CLYBL: variants seen among roughly 807,000 people sequenced by gnomAD.
The protein encoded by CLYBL is citramalyl-CoA lyase, mitochondrial.
A neutral mutation model predicts 38.9 loss-of-function variants in CLYBL; 31 were observed. That is an observed-to-expected ratio of 0.80 (90% CI 0.60 to 1.08). The LOEUF (loss-of-function observed/expected upper bound fraction) is 1.08. Ranked by LOEUF, CLYBL falls within the 50% of genes least tolerant of loss-of-function variation. The probability of loss-of-function intolerance (pLI) is 0.00; values close to 1 mark genes in which losing one functional copy is unlikely to be tolerated. For missense variants in CLYBL, 434 were observed against 411.6 expected (o/e 1.05, Z -0.47); for synonymous variants, 171 against 158.6 (o/e 1.08, Z -0.59).
chr13:99,806,660 G>A (rs1056388860), intron 2 of CLYBL, among the ~76,000 whole-genome samples: 1 of 152,192 alleles, frequency 6.6e-6, no homozygotes, highest in African/African-American at 2.4e-5. Flanking sequence ...GAGGTAATGT[G>A]TCTGAACCAC....
At chr13:99,625,058 C>A (rs906804237) in intron 1 of CLYBL, among the ~76,000 whole-genome samples, 1 of 152,186 alleles carries the variant, frequency 6.6e-6, no homozygotes, top group Non-Finnish European at 1.5e-5. Flanking sequence ...TTATGGCCAG[C>A]GTGTGGAAGA....
At chr13:99,748,471 ACT>A (rs2048896325) in intron 1 of CLYBL, among the ~76,000 whole-genome samples, 1 of 106,690 alleles carries the variant, frequency 9.4e-6, no homozygotes, top group Admixed American at 1.4e-4. Context: ...ATGGAGTCTC[ACT>A]CTGTCGCCCA....
chr13:99,765,482 T>TC (rs1397516183), intron 1 of CLYBL, among the ~76,000 whole-genome samples: 2 of 152,154 alleles, frequency 1.3e-5, no homozygotes, highest in Non-Finnish European at 2.9e-5. Context: ...TTTTTGTTTC[T>TC]CTTTTTTTTT....
intron 2 of CLYBL, among the ~76,000 whole-genome samples, chr13:99,804,432 T>C (rs1594193171): frequency 6.6e-6 from 1 of 152,344 alleles, no homozygotes; most frequent in East Asian, 1.9e-4. Flanking sequence ...TGTTGGCCAC[T>C]ATAAGCACCA....
chr13:99,717,561 C>T (rs1469924660), intron 1 of CLYBL, among the ~76,000 whole-genome samples: 4 of 151,944 alleles, frequency 2.6e-5, no homozygotes, highest in Admixed American at 1.3e-4. Context: ...CCAGGCTCCC[C>T]GGATCCTCCT....
intron 1 of CLYBL, among the ~76,000 whole-genome samples, chr13:99,670,232 C>T (rs1384160816): frequency 6.6e-6 from 1 of 152,010 alleles, no homozygotes; most frequent in Admixed American, 6.6e-5. Context: ...TGGTGCATGC[C>T]TATAGTCCCA....
At chr13:99,814,015 C>T (rs1456612631) in intron 2 of CLYBL, among the ~76,000 whole-genome samples, 4 of 152,326 alleles carry the variant, frequency 2.6e-5, no homozygotes, top group Non-Finnish European at 5.9e-5. Flanking sequence ...AATTTGGTTT[C>T]TTTCACTAAT....
chr13:99,866,214 T>C, intron 5 of CLYBL, 26 bp from the exon 6 acceptor site: 1 of 1,610,254 alleles, frequency 6.2e-7, no homozygotes, highest in Non-Finnish European at 8.5e-7. Context: ...TAAAGCCTCC[T>C]TTTTCTGTTA....
chr13:99,724,140 G>C (rs1341679622), intron 1 of CLYBL, among the ~76,000 whole-genome samples: 2 of 152,132 alleles, frequency 1.3e-5, no homozygotes, highest in African/African-American at 4.8e-5. Context: ...CTGTTGTGGG[G>C]ATGTTCCGCT....
At chr13:99,631,634 A>G (rs2046947074) in intron 1 of CLYBL, among the ~76,000 whole-genome samples, 1 of 151,430 alleles carries the variant, frequency 6.6e-6, no homozygotes, top group South Asian at 2.1e-4. Context: ...AGTCTCGCTC[A>G]GTCGCCCAGG....
At chr13:99,659,163 A>G (rs1251422476) in intron 1 of CLYBL, among the ~76,000 whole-genome samples, 4 of 152,038 alleles carry the variant, frequency 2.6e-5, no homozygotes, top group Non-Finnish European at 5.9e-5. Context: ...TCTGACAGAG[A>G]GGGGATTAGT....
chr13:99,854,159 A>G (rs1253036952), intron 2 of CLYBL, among the ~76,000 whole-genome samples: 1 of 152,142 alleles, frequency 6.6e-6, no homozygotes, highest in Non-Finnish European at 1.5e-5. Flanking sequence ...CTTGGGTCGC[A>G]CATAGCTTTC....
At chr13:99,678,358 A>G (rs1176311515) in intron 1 of CLYBL, among the ~76,000 whole-genome samples, 1 of 152,230 alleles carries the variant, frequency 6.6e-6, no homozygotes, top group Non-Finnish European at 1.5e-5. Flanking sequence ...GAATTTGGGT[A>G]AATTCACTAG....
At chr13:99,613,177 A>G (rs1289611576) in intron 1 of CLYBL, among the ~76,000 whole-genome samples, 1 of 152,122 alleles carries the variant, frequency 6.6e-6, no homozygotes, top group Non-Finnish European at 1.5e-5. Flanking sequence ...TGTTTTCTAA[A>G]GTATTCATAG....
At chr13:99,847,118 C>T (rs961240251) in intron 2 of CLYBL, among the ~76,000 whole-genome samples, 6 of 152,238 alleles carry the variant, frequency 3.9e-5, no homozygotes, top group Admixed American at 2.0e-4. Flanking sequence ...CTAAACTGCT[C>T]AGGCCAGGGA....
chr13:99,782,878 C>A (rs2049688769), intron 2 of CLYBL, among the ~76,000 whole-genome samples: 1 of 151,900 alleles, frequency 6.6e-6, no homozygotes, highest in South Asian at 2.1e-4. Flanking sequence ...TTGGAAACTT[C>A]ATTCTATCCT....
chr13:99,698,937 T>C (rs571053083), intron 1 of CLYBL, among the ~76,000 whole-genome samples: 45 of 152,218 alleles, frequency 3.0e-4, no homozygotes, highest in Non-Finnish European at 5.1e-4. Flanking sequence ...CGCCAGAAGG[T>C]GTTGACATAT....
downstream of CLYBL, chr13:99,896,237 G>C (rs1555326817): frequency 6.6e-6 from 1 of 151,928 alleles, no homozygotes; most frequent in South Asian, 2.1e-4. Context: ...GATCAAAGGC[G>C]GCCCCGTGTC....
intron 1 of CLYBL, chr13:99,690,718 A>T (rs993109394): frequency 6.6e-6 from 1 of 152,218 alleles, no homozygotes; most frequent in African/African-American, 2.4e-5. Context: ...TCAAACTTAC[A>T]TATGAAAATC....
Sources: gnomAD v4.1 joint callset for allele counts (sites outside exome capture counted in the v4.1 genomes callset) on GRCh38, gnomAD v4.1.1 for gene constraint, MANE v1.5 for transcripts, NCBI Gene and HGNC (gene_info 2026-07-23, HGNC 2026-07-21) for gene names.